LRRC4C: variants seen among roughly 807,000 people sequenced by gnomAD.
LRRC4C encodes the protein leucine-rich repeat-containing protein 4C.
Under a neutral mutation model 33.6 loss-of-function variants are expected in LRRC4C, and 5 were observed. The observed-to-expected ratio is 0.15, with a 90% CI of 0.08 to 0.31. LRRC4C has a LOEUF of 0.31. LRRC4C is among the 10% of genes least tolerant of loss of function. The probability of loss-of-function intolerance (pLI) is 1.00; values close to 1 mark genes in which losing one functional copy is unlikely to be tolerated. For missense variants in LRRC4C, 560 were observed against 796.7 expected, an observed-to-expected ratio of 0.70 and a Z score of 3.58; for synonymous variants, 329 against 302.0, an observed-to-expected ratio of 1.09 and a Z score of -0.93.
At chr11:40,298,368 G>A (rs918691060) in intron 4 of LRRC4C, among the ~76,000 whole-genome samples, 3 of 151,110 alleles carry the variant, frequency 2.0e-5, no homozygotes, top group African/African-American at 7.3e-5. Context: ...TTTTGATCTA[G>A]TGGCTGAGTT....
intron 1 of LRRC4C, among the ~76,000 whole-genome samples, chr11:41,214,093 C>T (rs1040612048): frequency 1.3e-5 from 2 of 152,178 alleles, no homozygotes; most frequent in South Asian, 2.1e-4. Context: ...CTGTGAAATA[C>T]TTGCCTGCCA....
At chr11:41,311,094 CTAA>C (rs1431032512) in intron 1 of LRRC4C, among the ~76,000 whole-genome samples, 1 of 152,202 alleles carries the variant, frequency 6.6e-6, no homozygotes, top group African/African-American at 2.4e-5. Flanking sequence ...CTTTGAGAAA[CTAA>C]CACTCAACTC....
intron 3 of LRRC4C, among the ~76,000 whole-genome samples, chr11:40,529,978 A>G (rs549396751): frequency 3.0e-4 from 46 of 152,270 alleles, no homozygotes; most frequent in African/African-American, 1.1e-3. Context: ...ATTTTAAAAA[A>G]TAAGGCTCAT....
rs984940551 is a variant in LRRC4C at position 41,391,668 on chromosome 11, A to C, written c.-496+67763T>G. ...ATTTATTGATGACCCCCTAAAACCCAAGGTGCAAGATCAGTCTTACAACTG... is the reference window on the plus strand; with the variant it reads ...ATTTATTGATGACCCCCTAAAACCCCAGGTGCAAGATCAGTCTTACAACTG... On this transcript the variant is annotated intron_variant, in intron 1 of 6. Coordinates refer to ENST00000528697, the MANE Select transcript of LRRC4C (RefSeq NM_001258419.2). Among the ~76,000 whole-genome samples the C allele has an allele frequency of 4.6e-5, 7 of 151,884 alleles. No homozygotes were observed. In the South Asian group the frequency reaches 1.5e-3, roughly 31 times the overall value.
chr11:40,837,558 G>A (rs1425763528), intron 2 of LRRC4C, among the ~76,000 whole-genome samples: 2 of 151,796 alleles, frequency 1.3e-5, no homozygotes, highest in Admixed American at 6.6e-5. Context: ...AGAGGGGAGG[G>A]GCTGGGCACA....
chr11:41,422,114 A>T (rs1954890381), intron 1 of LRRC4C, among the ~76,000 whole-genome samples: 1 of 152,082 alleles, frequency 6.6e-6, no homozygotes, highest in African/African-American at 2.4e-5. Flanking sequence ...GATAGGAGTG[A>T]TTAGAGTAAT....
intron 3 of LRRC4C, among the ~76,000 whole-genome samples, chr11:40,579,009 A>T (rs1405907110): frequency 6.6e-6 from 1 of 152,194 alleles, no homozygotes; most frequent in Non-Finnish European, 1.5e-5. Flanking sequence ...GGATTCACTG[A>T]CTTTGTTAAG....
chr11:40,536,016 C>T (rs1033851574), intron 3 of LRRC4C, among the ~76,000 whole-genome samples: 2 of 152,146 alleles, frequency 1.3e-5, no homozygotes, highest in Admixed American at 6.5e-5. Context: ...TTTCTAATGT[C>T]CTGTAAGGCC....
intron 2 of LRRC4C, among the ~76,000 whole-genome samples, chr11:40,885,020 G>A (rs1376528526): frequency 1.1e-4 from 16 of 151,856 alleles, no homozygotes; most frequent in Admixed American, 9.2e-4. Context: ...AAAAATTATC[G>A]ACTGGGAACA....
intron 4 of LRRC4C, among the ~76,000 whole-genome samples, chr11:40,313,387 G>A (rs1332625912): frequency 6.6e-6 from 1 of 151,892 alleles, no homozygotes; most frequent in Non-Finnish European, 1.5e-5. Context: ...CATATCTATA[G>A]CCAACTGACT....
At chr11:40,325,249 A>T (rs1946041255) in intron 3 of LRRC4C, among the ~76,000 whole-genome samples, 1 of 152,334 alleles carries the variant, frequency 6.6e-6, no homozygotes, top group Non-Finnish European at 1.5e-5. Flanking sequence ...AAATGTGTTC[A>T]ACTTATTAGA....
At chr11:40,262,871 C>T (rs1457247729) in intron 4 of LRRC4C, among the ~76,000 whole-genome samples, 2 of 151,878 alleles carry the variant, frequency 1.3e-5, no homozygotes, top group Admixed American at 1.3e-4. Flanking sequence ...TAGGAGAAAC[C>T]TCTAATGTAG....
At chr11:40,485,851 T>C (rs952962311) in intron 3 of LRRC4C, among the ~76,000 whole-genome samples, 2 of 151,930 alleles carry the variant, frequency 1.3e-5, no homozygotes, top group Non-Finnish European at 2.9e-5. Flanking sequence ...CCCTTTGCAG[T>C]GATATGGATA....
intron 1 of LRRC4C, among the ~76,000 whole-genome samples, chr11:40,949,567 T>G (rs1052311436): frequency 1.3e-5 from 2 of 152,192 alleles, no homozygotes; most frequent in Middle Eastern, 3.4e-3. Context: ...ATATTCAACA[T>G]TCTTAAAGAA....
intron 4 of LRRC4C, among the ~76,000 whole-genome samples, chr11:40,265,136 C>T (rs1160720364): frequency 1.3e-5 from 2 of 152,160 alleles, no homozygotes; most frequent in African/African-American, 2.4e-5. Context: ...TTCCATTTTC[C>T]CATAGCACCT....
At chr11:40,771,600 A>G (rs577046609) in intron 2 of LRRC4C, among the ~76,000 whole-genome samples, 2 of 152,274 alleles carry the variant, frequency 1.3e-5, no homozygotes, top group African/African-American at 4.8e-5. Context: ...CAAATTTTCC[A>G]AACTTTTTTG....
At chr11:40,361,277 A>G (rs1565312934) in intron 3 of LRRC4C, among the ~76,000 whole-genome samples, 1 of 152,188 alleles carries the variant, frequency 6.6e-6, no homozygotes, top group Non-Finnish European at 1.5e-5. Flanking sequence ...AATAAACAGC[A>G]TTCAGATAGA....
chr11:40,919,859 T>C (rs998939629), intron 2 of LRRC4C, among the ~76,000 whole-genome samples: 4 of 152,140 alleles, frequency 2.6e-5, no homozygotes, highest in Admixed American at 6.6e-5. Flanking sequence ...AATTTTTACA[T>C]CTTTGCAAGG....
chr11:41,162,381 A>C (rs1944510998), intron 1 of LRRC4C, among the ~76,000 whole-genome samples: 1 of 152,158 alleles, frequency 6.6e-6, no homozygotes, highest in Non-Finnish European at 1.5e-5. Context: ...GAGGGGTATT[A>C]TTTACTGAAC....
Sources: allele counts gnomAD v4.1 joint callset (sites outside exome capture counted in the v4.1 genomes callset), GRCh38; gene constraint gnomAD v4.1.1; transcripts MANE v1.5; gene names NCBI Gene and HGNC (gene_info 2026-07-23, HGNC 2026-07-21).